BABAM2: variants seen among roughly 807,000 people sequenced by gnomAD.
BABAM2 encodes BRISC and BRCA1-A complex member 2.
Under a neutral mutation model 54.7 loss-of-function variants are expected in BABAM2, and 31 were observed. The observed-to-expected ratio is 0.57, with a 90% CI of 0.43 to 0.77. BABAM2 has a LOEUF of 0.77. Ranked by LOEUF, BABAM2 falls within the 30% of genes least tolerant of loss-of-function variation. The pLI, the probability that BABAM2 is intolerant of heterozygous loss-of-function variation, is 0.00. For missense variants in BABAM2, 364 were observed against 455.8 expected (o/e 0.80, Z 1.83); for synonymous variants, 167 against 162.9 (o/e 1.03, Z -0.19).
At chr2:28,013,303 C>A (rs1011026676) in intron 4 of BABAM2, 10 of 450,916 alleles carry the variant, frequency 2.2e-5, no homozygotes, top group African/African-American at 1.8e-4. Flanking sequence ...ACCAGTAGGT[C>A]ATCTCTTGGT....
At chr2:28,184,972 G>A (rs1676127112) in intron 7 of BABAM2, among the ~76,000 whole-genome samples, 1 of 152,058 alleles carries the variant, frequency 6.6e-6, no homozygotes. Context: ...ATAATGAAAT[G>A]GAAAAGATTT....
intron 7 of BABAM2, among the ~76,000 whole-genome samples, chr2:28,135,775 C>T (rs1450129764): frequency 6.6e-6 from 1 of 152,168 alleles, no homozygotes; most frequent in Non-Finnish European, 1.5e-5. Context: ...TTGTTTTGGA[C>T]TAAAAACCCA....
intron 3 of BABAM2, among the ~76,000 whole-genome samples, chr2:27,987,775 G>A (rs994628102): frequency 1.6e-4 from 24 of 146,794 alleles, no homozygotes; most frequent in African/African-American, 5.1e-4. Context: ...AGATGACACC[G>A]TTGCACTCCA....
Position 28,236,462 on chromosome 2 carries a change from C to T in BABAM2, c.681-740C>T, listed in dbSNP as rs149013116. Among the ~76,000 whole-genome samples the T allele has an allele frequency of 5.7e-3, 856 of 151,084 alleles. 7 individuals are homozygous for T. Among genetic ancestry groups the T allele is most frequent in the African/African-American group, 0.02 (806 of 41,106 alleles). On this transcript the variant is annotated intron_variant, in intron 7 of 11. Coordinates refer to ENST00000379624, the MANE Select transcript of BABAM2 (RefSeq NM_199191.3). ...CACTGCAATCTCCGCCTCCCAGGTT[C>T]AAGCAATTCTCATGCCTCAGCCTCC...
Position 28,244,822 on chromosome 2 carries a change from T to A in BABAM2, c.894T>A (p.Thr298=), listed in dbSNP as rs1682769424. 3 of 1,613,958 alleles carry A rather than the reference T, an allele frequency of 1.9e-6. No homozygotes were observed. Among genetic ancestry groups the A allele is most frequent in the Middle Eastern group, 1.6e-4 (1 of 6,082 alleles). ...ATGCAGAAGGCTTTACAAAACTCACTCTGCTGCTGATGTGGAAAGATTTTT... is the reference window on the plus strand; with the variant it reads ...ATGCAGAAGGCTTTACAAAACTCACACTGCTGCTGATGTGGAAAGATTTTT... ...EYDAEGFTKL[T]LLLMWKDFCF... The change falls in exon 10 of 12, where the codon ACT becomes ACA. Residue 298 remains threonine, a synonymous_variant. Transcript: ENST00000379624.
At chr2:27,890,174 C>T, upstream of BABAM2, 2 of 1,325,676 alleles carry the variant, frequency 1.5e-6, no homozygotes, top group Non-Finnish European at 2.1e-6. This position sits in a 1 kb window ranked among gnomAD's most constrained non-coding sequence, Gnocchi z 4.8. Context: ...GGAGACCCAG[C>T]GCCCAAAAGC....
chr2:28,226,765 A>G (rs1321932473), intron 7 of BABAM2, among the ~76,000 whole-genome samples: 1 of 152,148 alleles, frequency 6.6e-6, no homozygotes, highest in African/African-American at 2.4e-5. Flanking sequence ...GAACTGGGCC[A>G]GTGCCCTGAG....
At chr2:28,179,002 T>A (rs978838781) in intron 7 of BABAM2, among the ~76,000 whole-genome samples, 1 of 151,850 alleles carries the variant, frequency 6.6e-6, no homozygotes, top group African/African-American at 2.4e-5. Flanking sequence ...TAATAAAAAC[T>A]CTCCCAACAA....
chr2:28,097,897 G>A (rs1386611173), intron 6 of BABAM2, among the ~76,000 whole-genome samples: 1 of 152,102 alleles, frequency 6.6e-6, no homozygotes, highest in Non-Finnish European at 1.5e-5. Flanking sequence ...CTGGCTTGTC[G>A]TGTCCACCCT....
intron 7 of BABAM2, among the ~76,000 whole-genome samples, chr2:28,188,033 C>G (rs554135273): frequency 6.6e-6 from 1 of 152,062 alleles, no homozygotes; most frequent in African/African-American, 2.4e-5. Context: ...AGTATTTTTC[C>G]CCGGGCGCAG....
At chr2:28,044,828 A>G (rs746197028) in intron 5 of BABAM2, among the ~76,000 whole-genome samples, 2 of 152,256 alleles carry the variant, frequency 1.3e-5, no homozygotes, top group Admixed American at 6.5e-5. Flanking sequence ...AAAACACACC[A>G]TGTCAAAATA....
At chr2:28,013,430 T>A in intron 4 of BABAM2, 1 of 455,666 alleles carries the variant, frequency 2.2e-6, no homozygotes, top group South Asian at 1.6e-5. Context: ...AAATTTCCTA[T>A]TTTGTTTTTT....
intron 2 of BABAM2, among the ~76,000 whole-genome samples, chr2:27,921,807 T>G (rs1282438468): frequency 6.6e-6 from 1 of 152,246 alleles, no homozygotes; most frequent in Non-Finnish European, 1.5e-5. Flanking sequence ...AATTCTGAGT[T>G]GTGTGTACAG....
intron 10 of BABAM2, among the ~76,000 whole-genome samples, chr2:28,281,343 T>A (rs998434356): frequency 8.5e-5 from 13 of 152,218 alleles, no homozygotes; most frequent in African/African-American, 2.9e-4. Context: ...ATTGGTGTGA[T>A]GTGATTGGTA....
rs910497974 is a variant in BABAM2 at position 28,261,389 on chromosome 2, C to T, written c.934+16527C>T. Reference sequence around the variant, plus strand: ...TCGCCCAGGCTGGAGTGCAGTGGCACGAGGATCTTGGCTTACTGCAAGCTC... The same window carrying T: ...TCGCCCAGGCTGGAGTGCAGTGGCATGAGGATCTTGGCTTACTGCAAGCTC... On this transcript the variant is annotated intron_variant, in intron 10 of 11. Coordinates refer to ENST00000379624, the MANE Select transcript of BABAM2 (RefSeq NM_199191.3). Among the ~76,000 whole-genome samples the T allele has an allele frequency of 2.4e-4, 36 of 150,176 alleles. 1 individual carries two copies. The highest frequency in any genetic ancestry group is 8.1e-4 in the African/African-American group (33 of 40,742).
rs189864929 is a variant in BABAM2 at position 28,112,553 on chromosome 2, C to T, written c.571-16718C>T. On this transcript the variant is annotated intron_variant, in intron 6 of 11. Transcript: ENST00000379624. ...GACATGAACTCATCCTTTTTTATGACTGGATAGTATTCTATGATGTATATA... is the reference window on the plus strand; with the variant it reads ...GACATGAACTCATCCTTTTTTATGATTGGATAGTATTCTATGATGTATATA... Among the ~76,000 whole-genome samples, 3 of 152,188 alleles carry T rather than the reference C, an allele frequency of 2.0e-5. No individual in the cohort carries two copies. In the East Asian group the frequency reaches 5.8e-4, roughly 29 times the overall value.
chr2:28,086,473 A>G (rs1665650282), intron 6 of BABAM2, among the ~76,000 whole-genome samples: 1 of 152,204 alleles, frequency 6.6e-6, no homozygotes, highest in Non-Finnish European at 1.5e-5. Flanking sequence ...AAGTTTATGC[A>G]TACATACCTG....
In BABAM2 at chr2:28,325,613, G is replaced by C. The variant is rs567519210; in HGVS notation, c.1089-12837G>C. Among the ~76,000 whole-genome samples, 149 of 152,324 alleles carry C rather than the reference G, an allele frequency of 9.8e-4. No individual in the cohort carries two copies. The highest frequency in any genetic ancestry group is 3.5e-3 in the African/African-American group (145 of 41,568). On this transcript the variant is annotated intron_variant, in intron 11 of 11. Transcript: ENST00000379624. This position sits in a 1 kb window ranked among gnomAD's most constrained non-coding sequence, Gnocchi z 4.3. ...CTTCTTTGGGAATTGCTGCTTTTCT[G>C]TCTGAAAGCCCAGAGAGCCAGGTGT...
intron 6 of BABAM2, among the ~76,000 whole-genome samples, chr2:28,116,894 T>C (rs148430641): frequency 4.9e-4 from 75 of 152,312 alleles, no homozygotes; most frequent in African/African-American, 1.8e-3. Context: ...TGACAAAAAT[T>C]TTGTCTATAG....
Sources: gnomAD v4.1 joint callset for allele counts (sites outside exome capture counted in the v4.1 genomes callset) on GRCh38, gnomAD v4.1.1 for gene constraint, Gnocchi (gnomAD v3.1) non-coding constraint, MANE v1.5 for transcripts, NCBI Gene and HGNC (gene_info 2026-07-23, HGNC 2026-07-21) for gene names.